PRDM1: variants seen among roughly 807,000 people sequenced by gnomAD.
The protein encoded by PRDM1 is PR/SET domain 1.
PRDM1 carries 13 observed loss-of-function variants against 62.8 expected under a neutral mutation model. The observed-to-expected ratio is 0.21, with a 90% confidence interval of 0.13 to 0.33. The LOEUF (loss-of-function observed/expected upper bound fraction) is 0.33. Among genes scored for constraint, PRDM1 ranks in the 10% least tolerant of loss-of-function variants. PRDM1 has a pLI of 1.00. For missense variants in PRDM1, 895 were observed against 1,058.8 expected, an observed-to-expected ratio of 0.85 and a Z score of 2.15; for synonymous variants, 396 against 417.6, an observed-to-expected ratio of 0.95 and a Z score of 0.63.
intron 3 of PRDM1, 25 bp downstream of exon 3, chr6:106,095,759 C>G: frequency 6.2e-7 from 1 of 1,611,716 alleles, no homozygotes; most frequent in Non-Finnish European, 8.5e-7. Flanking sequence ...TTTCTTCAGA[C>G]CCATTAAATG....
Position 106,104,834 on chromosome 6 carries a change from A to G in PRDM1, c.674A>G (p.Gln225Arg), listed in dbSNP as rs745678262. 17 of 1,612,316 alleles carry G rather than the reference A, an allele frequency of 1.1e-5. No homozygotes were observed. The highest frequency in any genetic ancestry group is 1.4e-5 in the Non-Finnish European group (17 of 1,179,456). ...ELTMMNLTQT[Q>R]SSLKQPSTEK... ...TTTTTCTTTATTTCAGCACAAACAC[A>G]GAGCAGTCTAAAGCAACCGAGCACT... Residue 225 changes from glutamine (Q) to arginine (R), a missense_variant, in exon 5 of 7, where the codon CAG (glutamine) becomes CGG (arginine). Gln to Arg is a conservative substitution (Grantham distance 43). Coordinates refer to ENST00000369096, the MANE Select transcript of PRDM1 (RefSeq NM_001198.4).
chr6:106,097,546 A>T (rs1774144282), intron 3 of PRDM1, among the ~76,000 whole-genome samples: 2 of 152,236 alleles, frequency 1.3e-5, no homozygotes, highest in South Asian at 4.1e-4. Context: ...TCAAGTTGAG[A>T]AACCAGTGAC....
intron 1 of PRDM1, among the ~76,000 whole-genome samples, chr6:105,998,107 C>T (rs1307400420): frequency 1.3e-5 from 2 of 152,054 alleles, no homozygotes; most frequent in African/African-American, 4.8e-5. Context: ...TAATTTACTT[C>T]TGGTTGTGGT....
chr6:106,023,212 T>A (rs749265459), intron 1 of PRDM1, among the ~76,000 whole-genome samples: 18 of 152,224 alleles, frequency 1.2e-4, no homozygotes, highest in Non-Finnish European at 2.4e-4. Context: ...CTCTCAATGG[T>A]TATTTAATCT....
upstream of PRDM1, among the ~76,000 whole-genome samples, chr6:106,048,280 A>T (rs1373619056): frequency 6.6e-6 from 1 of 151,678 alleles, no homozygotes; most frequent in African/African-American, 2.4e-5. Context: ...CTAGCTACTC[A>T]GGTGGCTGAG....
intron 4 of PRDM1, 119 bp from the exon 5 acceptor site, chr6:106,104,706 T>C (rs1774390298): frequency 1.6e-6 from 2 of 1,259,152 alleles, no homozygotes; most frequent in South Asian, 1.5e-5. Context: ...AAGCCAGATA[T>C]GTGGCGATTG....
chr6:106,015,317 A>G (rs930151576), intron 1 of PRDM1, among the ~76,000 whole-genome samples: 1 of 152,202 alleles, frequency 6.6e-6, no homozygotes, highest in African/African-American at 2.4e-5. Flanking sequence ...TTAATGAAGT[A>G]GAAAATGAGC....
In PRDM1 at chr6:106,106,883, C is replaced by G; in HGVS notation, c.1903-28C>G. On this transcript the variant is annotated intron_variant, in intron 6 of 6. Transcript: ENST00000369096. The surrounding 1 kb of genome is among the most constrained non-coding windows in gnomAD (Gnocchi z 4.4). ...TCTTCTGGCCTTCCTGTCTCCCTTC[C>G]CTGCTGTCTCTCTCCCCTACACTGT... The G allele has an allele frequency of 6.3e-7, 1 of 1,579,284 alleles. No homozygotes were observed. The highest frequency in any genetic ancestry group is 1.1e-5 in the South Asian group (1 of 88,084).
intron 2 of PRDM1, among the ~76,000 whole-genome samples, chr6:106,088,933 G>C (rs989602207): frequency 5.3e-5 from 8 of 152,204 alleles, no homozygotes; most frequent in African/African-American, 1.9e-4. Context: ...AAACTTTGAC[G>C]TGTTTATGAA....
chr6:106,071,780 C>A (rs9373831), intron 1 of PRDM1, among the ~76,000 whole-genome samples: 10,538 of 147,354 alleles, frequency 0.072, 507 homozygotes, highest in East Asian at 0.16. Flanking sequence ...AGTATATTTT[C>A]TTTGCTTGGA....
rs200682890 is a variant in PRDM1 at position 106,004,313 on chromosome 6, AC to A, written c.-67+10675del. 6.4e-3 allele frequency among the ~76,000 whole-genome samples: 970 copies of A among 152,306 alleles called. 11 individuals are homozygous for A. The highest frequency in any genetic ancestry group is 0.021 in the African/African-American group (885 of 41,552). On this transcript the variant is annotated intron_variant, in intron 1 of 6. Transcript: ENST00000652320. ...GTGAGCTATTGAGGGTAGAAAAAAA[AC>A]AGTAACATATATGCTAACATGAATA...
chr6:106,090,628 C>G (rs948565068), intron 2 of PRDM1, among the ~76,000 whole-genome samples: 2 of 152,156 alleles, frequency 1.3e-5, no homozygotes, highest in African/African-American at 4.8e-5. Context: ...AGTTCCGGGA[C>G]AGCAACATTA....
intron 1 of PRDM1, among the ~76,000 whole-genome samples, chr6:106,058,949 G>T (rs1190808842): frequency 1.3e-5 from 2 of 152,150 alleles, no homozygotes; most frequent in Non-Finnish European, 2.9e-5. Context: ...ATCACTCGAT[G>T]AACCAAATTT....
intron 1 of PRDM1, among the ~76,000 whole-genome samples, chr6:106,028,186 C>T (rs545430218): frequency 6.1e-4 from 93 of 152,266 alleles, no homozygotes; most frequent in African/African-American, 1.8e-3. Flanking sequence ...TTTCCTCCAG[C>T]GGGGCTGGAT....
chr6:106,083,615 A>T, upstream of PRDM1, among the ~76,000 whole-genome samples: 1 of 152,180 alleles, frequency 6.6e-6, no homozygotes. Context: ...GATGCCATCC[A>T]CGGGAATAGA....
At chr6:106,082,436 G>A (rs2114610131), upstream of PRDM1, among the ~76,000 whole-genome samples, 1 of 152,082 alleles carries the variant, frequency 6.6e-6, no homozygotes, top group Non-Finnish European at 1.5e-5. Flanking sequence ...TTATTAAGTT[G>A]GTAGATGCTG....
intron 1 of PRDM1, among the ~76,000 whole-genome samples, chr6:106,065,774 C>T (rs1773422831): frequency 6.6e-6 from 1 of 152,224 alleles, no homozygotes; most frequent in Non-Finnish European, 1.5e-5. Context: ...GACTTCCCTG[C>T]TTCCATGGAT....
intron 1 of PRDM1, among the ~76,000 whole-genome samples, chr6:106,073,496 G>C (rs1416431561): frequency 6.6e-6 from 1 of 152,164 alleles, no homozygotes; most frequent in African/African-American, 2.4e-5. Context: ...AAAATGTTCT[G>C]AATAATGATT....
At position 105,994,887 on chromosome 6, in the gene PRDM1, G is replaced by A. The variant is rs1468762807; in HGVS notation, c.-67+1248G>A. 3.9e-5 allele frequency among the ~76,000 whole-genome samples: 6 copies of A among 152,362 alleles called. No individual in the cohort carries two copies. In the East Asian group the frequency reaches 1.2e-3, roughly 29 times the overall value. ...GGCCACGCGGTCCGACCGGGTCCGG[G>A]GACGGCGCGCTTGTCGCGGGAGCCT... is the stretch of plus-strand genomic sequence containing the variant. On this transcript the variant is annotated intron_variant, in intron 1 of 6. Coordinates refer to the PRDM1 transcript ENST00000652320. This position sits in a 1 kb window ranked among gnomAD's most constrained non-coding sequence, Gnocchi z 4.1.
Sources: gnomAD v4.1 joint callset for allele counts (sites outside exome capture counted in the v4.1 genomes callset) on GRCh38, gnomAD v4.1.1 for gene constraint, Gnocchi (gnomAD v3.1) non-coding constraint, MANE v1.5 for transcripts, NCBI Gene and HGNC (gene_info 2026-07-23, HGNC 2026-07-21) for gene names.